The following TCF7L1 variants were observed in gnomAD, a reference collection of about 807,000 sequenced individuals.
TCF7L1 encodes the protein transcription factor 7 like 1.
A neutral mutation model predicts 63.7 loss-of-function variants in TCF7L1; 18 were observed. The ratio of observed to expected loss-of-function variants is 0.28; its 90% confidence interval spans 0.20 to 0.42. The LOEUF (loss-of-function observed/expected upper bound fraction) is 0.42, where lower values mean the gene tolerates loss of function less well. TCF7L1 is among the 10% of genes least tolerant of loss of function. TCF7L1 has a pLI of 1.00. For missense variants in TCF7L1, 654 were observed against 779.3 expected (o/e 0.84, Z 1.91); for synonymous variants, 355 against 340.9 (o/e 1.04, Z -0.46).
At chr2:85,230,873 GA>G (rs1428265456) in intron 3 of TCF7L1, among the ~76,000 whole-genome samples, 2 of 152,206 alleles carry the variant, frequency 1.3e-5, no homozygotes, top group Non-Finnish European at 2.9e-5. Flanking sequence ...AGCCTGAGGG[GA>G]TGGGTGGATA....
At chr2:85,299,948 C>T (rs919745432) in intron 4 of TCF7L1, among the ~76,000 whole-genome samples, 2 of 147,700 alleles carry the variant, frequency 1.4e-5, no homozygotes, top group African/African-American at 5.0e-5. Flanking sequence ...GCCAAAATGA[C>T]CATAGCGACA....
At chr2:85,262,333 G>T in intron 3 of TCF7L1, 1 of 518,828 alleles carries the variant, frequency 1.9e-6, no homozygotes. Context: ...TTCACAAAGA[G>T]CACACCCGCA....
chr2:85,241,757 C>A (rs1294281011), intron 3 of TCF7L1, among the ~76,000 whole-genome samples: 1 of 152,084 alleles, frequency 6.6e-6, no homozygotes, highest in Non-Finnish European at 1.5e-5. Flanking sequence ...GGTACACTTT[C>A]AAGCAGTCCT....
chr2:85,289,319 G>T (rs1558657524), intron 4 of TCF7L1, among the ~76,000 whole-genome samples: 2 of 151,892 alleles, frequency 1.3e-5, no homozygotes, highest in African/African-American at 4.8e-5. Context: ...AATAAATTCT[G>T]CTGAGTTACA....
rs1373743313 is a variant in TCF7L1, at chr2:85,309,647, A to AAAAC, written c.*189_*192dup. The AAAAC allele has an allele frequency of 5.9e-6, 3 of 505,550 alleles. No individual in the cohort carries two copies. The highest frequency in any genetic ancestry group is 2.0e-5 in the African/African-American group (1 of 50,614). The allele number at this position is 505,550 out of a possible 1,614,324, so 31.3% of individuals were successfully genotyped here. ...GTAGCTGATCTTAAGGCTTTTTTAA[A>AAAAC]AAACAAAACAAAACAACAAAAAAAA... On this transcript the variant is annotated 3_prime_UTR_variant, in exon 12 of 12. Transcript: ENST00000282111.
At chr2:85,248,081 G>C (rs1283341670) in intron 3 of TCF7L1, among the ~76,000 whole-genome samples, 3 of 152,226 alleles carry the variant, frequency 2.0e-5, no homozygotes, top group East Asian at 3.9e-4. Context: ...GGTCCTTCCA[G>C]GTACCTACTT....
chr2:85,191,118 A>G (rs1227167717), intron 3 of TCF7L1, among the ~76,000 whole-genome samples: 3 of 151,258 alleles, frequency 2.0e-5, no homozygotes, highest in African/African-American at 7.2e-5. Flanking sequence ...AACGCAGCAC[A>G]CAATATAGAA....
At chr2:85,307,538 G>A in intron 10 of TCF7L1, 104 bp from the exon 11 acceptor site, 3 of 922,974 alleles carry the variant, frequency 3.3e-6, no homozygotes, top group Admixed American at 1.9e-5. Flanking sequence ...GAGGGATCGA[G>A]AGCAGTAAAG....
intron 3 of TCF7L1, among the ~76,000 whole-genome samples, chr2:85,232,051 C>T (rs554186813): frequency 6.6e-6 from 1 of 152,110 alleles, no homozygotes; most frequent in African/African-American, 2.4e-5. Flanking sequence ...ATTGTCACAC[C>T]GTTGAGAGTC....
intron 5 of TCF7L1, chr2:85,303,580 G>C: frequency 1.1e-5 from 3 of 273,824 alleles, no homozygotes; most frequent in Non-Finnish European, 2.0e-5. Flanking sequence ...AGTGACTCTT[G>C]TCATTGGTCT....
Position 85,135,839 on chromosome 2 carries a change from G to C in TCF7L1, c.441+1389G>C, listed in dbSNP as rs542200916. Among the ~76,000 whole-genome samples, 22 of 151,564 alleles carry C rather than the reference G, an allele frequency of 1.5e-4. No individual in the cohort carries two copies. The South Asian group carries it at 4.4e-3, about 30-fold the overall frequency. On this transcript the variant is annotated intron_variant, in intron 3 of 11. Transcript: ENST00000282111. ...GGCCTGGAGCACCCCAGGAAGTCCT[G>C]AATGTAAGTGTCAGTTTTGCAGTGA...
intron 3 of TCF7L1, among the ~76,000 whole-genome samples, chr2:85,173,675 A>G (rs1032629374): frequency 2.6e-5 from 4 of 152,128 alleles, no homozygotes; most frequent in Non-Finnish European, 4.4e-5. Flanking sequence ...GGCACATACT[A>G]CGGTGCCTGG....
At chr2:85,146,721 C>G (rs1364093457) in intron 3 of TCF7L1, among the ~76,000 whole-genome samples, 2 of 151,974 alleles carry the variant, frequency 1.3e-5, no homozygotes, top group Admixed American at 6.6e-5. Context: ...CCAGGATGGT[C>G]TTGATGTTCT....
At chr2:85,270,692 C>A (rs1226227414) in intron 3 of TCF7L1, among the ~76,000 whole-genome samples, 2 of 152,036 alleles carry the variant, frequency 1.3e-5, no homozygotes, top group African/African-American at 4.8e-5. Flanking sequence ...TTGGAAGTTT[C>A]TTTATTTTTT....
chr2:85,194,326 C>G (rs1355355842), intron 3 of TCF7L1, among the ~76,000 whole-genome samples: 1 of 151,942 alleles, frequency 6.6e-6, no homozygotes, highest in Admixed American at 6.6e-5. Context: ...GCCAGGAGTT[C>G]GAGACCAGCC....
At chr2:85,197,421 G>A (rs1051899296) in intron 3 of TCF7L1, among the ~76,000 whole-genome samples, 5 of 152,066 alleles carry the variant, frequency 3.3e-5, no homozygotes, top group South Asian at 2.1e-4. Flanking sequence ...TATATATTTC[G>A]GGAGTGGGGT....
intron 3 of TCF7L1, among the ~76,000 whole-genome samples, chr2:85,145,016 C>G (rs2583541): frequency 6.7e-6 from 1 of 149,400 alleles, no homozygotes; most frequent in Non-Finnish European, 1.5e-5. Flanking sequence ...ACCCGGGAGG[C>G]AGAGGCTGCA....
In TCF7L1 at chr2:85,280,220, T is replaced by A. The variant is rs79357516; in HGVS notation, c.442-3275T>A. 4.3e-3 allele frequency among the ~76,000 whole-genome samples: 653 copies of A among 152,236 alleles called. 4 individuals carry two copies. Among genetic ancestry groups the A allele is most frequent in the African/African-American group, 0.015 (614 of 41,538 alleles). On this transcript the variant is annotated intron_variant, in intron 3 of 11. Coordinates refer to ENST00000282111, the MANE Select transcript of TCF7L1 (RefSeq NM_031283.3). ...TGGCAAAATCTGGAGATATTTCTGA[T>A]GATCTATATGGGAGTGCATCGGCAT... is the stretch of plus-strand genomic sequence containing the variant.
intron 3 of TCF7L1, chr2:85,233,009 G>T (rs1334937589): frequency 6.6e-6 from 1 of 152,186 alleles, no homozygotes; most frequent in African/African-American, 2.4e-5. Context: ...ACAGCTCACT[G>T]CAGCCTCGAC....
Sources: allele counts gnomAD v4.1 joint callset (sites outside exome capture counted in the v4.1 genomes callset), GRCh38; gene constraint gnomAD v4.1.1; transcripts MANE v1.5; gene names NCBI Gene and HGNC (gene_info 2026-07-23, HGNC 2026-07-21).